Variants in AIFM1 observed in about 807,000 individuals in gnomAD.
The protein encoded by AIFM1 is apoptosis inducing factor mitochondria associated 1.
AIFM1 carries 3 observed loss-of-function variants against 51.7 expected under a neutral mutation model. That is an observed-to-expected ratio of 0.06 (90% CI 0.03 to 0.15). AIFM1 has a LOEUF of 0.15. Among genes scored for constraint, AIFM1 ranks in the 10% least tolerant of loss-of-function variants. The pLI is 1.00. For missense variants in AIFM1, 330 were observed against 476.8 expected (o/e 0.69, Z 2.87); for synonymous variants, 178 against 179.4 (o/e 0.99, Z 0.06).
intron 1 of AIFM1, among the ~76,000 whole-genome samples, chrX:130,159,021 T>C (rs1164298324): frequency 8.9e-6 from 1 of 111,948 alleles, no homozygotes; most frequent in Non-Finnish European, 1.9e-5. Context: ...TTTGGAACTT[T>C]GAATTATCTG....
At chrX:130,161,733 G>A (rs2031360974) in intron 1 of AIFM1, among the ~76,000 whole-genome samples, 1 of 106,097 alleles carries the variant, frequency 9.4e-6, no homozygotes, top group South Asian at 4.5e-4. Flanking sequence ...TCAGCCTCCC[G>A]AGTAGCAGGG....
At position 130,156,364 on chromosome X, in the gene AIFM1, G is replaced by T. The variant is rs184079602; in HGVS notation, c.249+97C>A. 9.9e-4 allele frequency: 1,105 copies of T among 1,120,738 alleles called. 6 individuals are homozygous for T. In the African/African-American group the frequency reaches 0.017, roughly 17 times the overall value. The allele number at this position is 1,120,738 out of a possible 1,213,427, so 92.4% of individuals were successfully genotyped here. On this transcript the variant is annotated intron_variant, in intron 2 of 15. Transcript: ENST00000287295. ...TTGAAAATTTTTCCAAAAGGAGAAA[G>T]GGGAATTAGTTGCAAAAGTTTTAAA...
chrX:130,158,513 T>C (rs760837587), intron 1 of AIFM1, among the ~76,000 whole-genome samples: 41 of 110,146 alleles, frequency 3.7e-4, no homozygotes, highest in Non-Finnish European at 7.4e-4. Context: ...CTCAAGAATG[T>C]GCATTTCTAA....
chrX:130,134,484 G>A (rs757638042), intron 12 of AIFM1, among the ~76,000 whole-genome samples: 1 of 110,963 alleles, frequency 9.0e-6, no homozygotes, highest in Non-Finnish European at 1.9e-5. Context: ...AATATTTATG[G>A]AGTACTTATT....
At position 130,165,033 on chromosome X, in the gene AIFM1, T is replaced by C. The variant is rs142822940; in HGVS notation, c.106+518A>G. On this transcript the variant is annotated intron_variant, in intron 1 of 15. Transcript: ENST00000287295. Reference sequence around the variant, plus strand: ...ATTAAGTCTGGGCCAATTCTCTGGGTGTCTGGTACACAACCAACCGACTCC... The same window carrying C: ...ATTAAGTCTGGGCCAATTCTCTGGGCGTCTGGTACACAACCAACCGACTCC... 5.5e-3 allele frequency among the ~76,000 whole-genome samples: 596 copies of C among 108,642 alleles called. 2 individuals carry two copies. The highest frequency in any genetic ancestry group is 9.1e-3 in the Non-Finnish European group (478 of 52,349). 94.3% of individuals were successfully genotyped at this position (108,642 alleles called of 115,157 possible). A position where few individuals can be genotyped will look rare whatever the true frequency, so the allele number is the denominator to read the frequency against.
At chrX:130,134,735 T>C (rs1232017937) in intron 12 of AIFM1, among the ~76,000 whole-genome samples, 2 of 111,343 alleles carry the variant, frequency 1.8e-5, no homozygotes, top group Non-Finnish European at 3.8e-5. Flanking sequence ...GCATTTGAGC[T>C]CTCTAACCCT....
intron 1 of AIFM1, among the ~76,000 whole-genome samples, chrX:130,162,786 G>A (rs2031394188): frequency 9.0e-6 from 1 of 111,555 alleles, no homozygotes; most frequent in African/African-American, 3.3e-5. Flanking sequence ...TTGATAACAT[G>A]GGCAGCACTG....
At position 130,140,524 on chromosome X, in the gene AIFM1, A is replaced by T; in HGVS notation, c.781+9T>A. 1 of 1,201,245 alleles carries T rather than the reference A, an allele frequency of 8.3e-7. No individual in the cohort carries two copies. The highest frequency in any genetic ancestry group is 1.1e-6 in the Non-Finnish European group (1 of 885,990). Reference sequence around the variant, plus strand: ...ATCAGGGAAGAAAGCCATCTCCAGAAATGCTCACCTGTTGCAATCAAGCAC... The same window carrying T: ...ATCAGGGAAGAAAGCCATCTCCAGATATGCTCACCTGTTGCAATCAAGCAC... On this transcript the variant is annotated intron_variant, in intron 7 of 15. Coordinates refer to ENST00000287295, the MANE Select transcript of AIFM1 (RefSeq NM_004208.4).
chrX:130,146,899 C>T (rs770007504), intron 5 of AIFM1, among the ~76,000 whole-genome samples: 1 of 112,460 alleles, frequency 8.9e-6, no homozygotes, highest in African/African-American at 3.2e-5. Flanking sequence ...CAGTGGCTCA[C>T]GCCTGTAATC....
chrX:130,154,128 C>T (rs772163102), intron 2 of AIFM1, among the ~76,000 whole-genome samples: 2 of 112,355 alleles, frequency 1.8e-5, no homozygotes, highest in South Asian at 7.2e-4. Context: ...AACCTGGAAC[C>T]ACTTTATAAT....
In AIFM1 at chrX:130,163,045, G is replaced by C. The variant is rs748164626; in HGVS notation, c.106+2506C>G. On this transcript the variant is annotated intron_variant, in intron 1 of 15. Coordinates refer to ENST00000287295, the MANE Select transcript of AIFM1 (RefSeq NM_004208.4). ...ACAGATGTCAACGAGATAGTTGCAA[G>C]GCAGGTTTAAAGTTTAAAGGTTTGG... 4.0e-3 allele frequency among the ~76,000 whole-genome samples: 449 copies of C among 111,577 alleles called. 2 individuals are homozygous for C. Among genetic ancestry groups the C allele is most frequent in the African/African-American group, 0.014 (431 of 30,713 alleles).
At chrX:130,133,497 A>G in intron 12 of AIFM1, 42 bp from the exon 13 acceptor site, 1 of 1,204,552 alleles carries the variant, frequency 8.3e-7, no homozygotes. Flanking sequence ...GATAAAAAAA[A>G]AAAAAGCAAG....
intron 2 of AIFM1, among the ~76,000 whole-genome samples, chrX:130,153,162 G>A (rs191810050): frequency 8.4e-5 from 7 of 83,560 alleles, no homozygotes; most frequent in East Asian, 3.5e-4. Context: ...GTGAAACCCC[G>A]TCTCTACTAA....
At chrX:130,160,795 C>G (rs1164692518) in intron 1 of AIFM1, among the ~76,000 whole-genome samples, 1 of 110,225 alleles carries the variant, frequency 9.1e-6, no homozygotes, top group Non-Finnish European at 1.9e-5. Flanking sequence ...GTAATCCCAG[C>G]ACCTTGGGAG....
At chrX:130,155,145 A>C in intron 2 of AIFM1, 1 of 1,211,100 alleles carries the variant, frequency 8.3e-7, no homozygotes, top group Middle Eastern at 2.3e-4. Context: ...GTTTTAGTGT[A>C]AGCATCTTAC....
rs894970346 is a variant in AIFM1, at chrX:130,136,576, G to A, written c.1164+67C>T. On this transcript the variant is annotated intron_variant, in intron 11 of 15. Coordinates refer to ENST00000287295, the MANE Select transcript of AIFM1 (RefSeq NM_004208.4). The stretch of plus-strand genomic sequence containing the variant: ...TAATCTACTGGTGTCAAATGAAGGA[G>A]TAAAAATGAGGCAAGGGGAGTGGAG... 10 of 979,475 alleles carry A rather than the reference G, an allele frequency of 1.0e-5. No homozygotes were observed. The African/African-American group carries it at 1.7e-4, about 17-fold the overall frequency. The allele number at this position is 979,475 out of a possible 1,213,427, so 80.7% of individuals were successfully genotyped here.
chrX:130,144,649 C>T (rs190505929), intron 6 of AIFM1, among the ~76,000 whole-genome samples: 16 of 111,805 alleles, frequency 1.4e-4, no homozygotes, highest in Non-Finnish European at 2.1e-4. Flanking sequence ...TGTCATCACT[C>T]TACTGGGCAC....
At chrX:130,153,857 A>C (rs2031080301) in intron 2 of AIFM1, among the ~76,000 whole-genome samples, 1 of 112,004 alleles carries the variant, frequency 8.9e-6, no homozygotes. Context: ...TGAGAAAATA[A>C]ACCTCTGTTG....
intron 5 of AIFM1, among the ~76,000 whole-genome samples, chrX:130,146,495 GCA>G (rs2030760226): frequency 9.8e-6 from 1 of 102,114 alleles, no homozygotes; most frequent in Non-Finnish European, 2.0e-5. Context: ...GTGTGTGTAT[GCA>G]TATGTATACA....
Sources: allele counts gnomAD v4.1 joint callset (sites outside exome capture counted in the v4.1 genomes callset), GRCh38; gene constraint gnomAD v4.1.1; transcripts MANE v1.5; gene names NCBI Gene and HGNC (gene_info 2026-07-23, HGNC 2026-07-21).